RNF150: variants seen among roughly 807,000 people sequenced by gnomAD.
The protein encoded by RNF150 is ring finger protein 150.
A neutral mutation model predicts 39.3 loss-of-function variants in RNF150; 24 were observed. The observed-to-expected ratio is 0.61, with a 90% CI of 0.44 to 0.86. RNF150 has a LOEUF of 0.86. RNF150 is among the 40% of genes least tolerant of loss of function. The pLI, the probability that RNF150 is intolerant of heterozygous loss-of-function variation, is 0.00. For missense variants in RNF150, 502 were observed against 587.8 expected (o/e 0.85, Z 1.51); for synonymous variants, 255 against 227.3 (o/e 1.12, Z -1.10).
At chr4:140,902,816 T>C (rs1730235340) in intron 6 of RNF150, among the ~76,000 whole-genome samples, 1 of 152,206 alleles carries the variant, frequency 6.6e-6, no homozygotes, top group Non-Finnish European at 1.5e-5. Flanking sequence ...AGGCCAACTG[T>C]GCTGCTGTTC....
At chr4:140,927,480 C>A (rs1295264385) in intron 4 of RNF150, among the ~76,000 whole-genome samples, 1 of 152,010 alleles carries the variant, frequency 6.6e-6, no homozygotes, top group Non-Finnish European at 1.5e-5. Flanking sequence ...GTGTGGCACT[C>A]CCCACCCCGC....
intron 1 of RNF150, among the ~76,000 whole-genome samples, chr4:141,051,207 G>A (rs1260672841): frequency 6.6e-6 from 1 of 152,088 alleles, no homozygotes; most frequent in Non-Finnish European, 1.5e-5. Context: ...ACTGCACACA[G>A]CATGGCCCAT....
In RNF150 at chr4:140,866,516, A is replaced by C. The variant is rs1047205161; in HGVS notation, c.*1745T>G. The C allele has an allele frequency of 2.6e-5, 4 of 152,228 alleles. No individual in the cohort carries two copies. The highest frequency in any genetic ancestry group is 9.6e-5 in the African/African-American group (4 of 41,456). The allele number at this position is 152,228 out of a possible 1,614,324, so 9.4% of individuals were successfully genotyped here. ...TGCAACCTTTCTGAGGGTAATAATC[A>C]TCTGCCTTGCCTTACTGTCTACTTA... On this transcript the variant is annotated 3_prime_UTR_variant, in exon 7 of 7. Transcript: ENST00000515673.
chr4:141,046,907 T>C (rs1191738307), intron 1 of RNF150, among the ~76,000 whole-genome samples: 2 of 152,080 alleles, frequency 1.3e-5, no homozygotes, highest in Admixed American at 6.6e-5. Flanking sequence ...TTGTCTTATT[T>C]TTTCAGGCTT....
At chr4:141,191,253 C>T (rs552979522) in intron 1 of RNF150, among the ~76,000 whole-genome samples, 4 of 151,782 alleles carry the variant, frequency 2.6e-5, no homozygotes, top group African/African-American at 9.7e-5. Flanking sequence ...AGGTCATGGT[C>T]CTGATTCTCT....
intron 5 of RNF150, among the ~76,000 whole-genome samples, chr4:140,924,582 C>G (rs139005589): frequency 6.6e-6 from 1 of 152,188 alleles, no homozygotes; most frequent in African/African-American, 2.4e-5. Context: ...CATAGACACA[C>G]ATACACACAT....
Position 141,071,347 on chromosome 4 carries a change from C to T in RNF150, c.484+60978G>A, listed in dbSNP as rs150649370. On this transcript the variant is annotated intron_variant, in intron 1 of 6. Coordinates refer to ENST00000515673, the MANE Select transcript of RNF150 (RefSeq NM_020724.2). Reference sequence around the variant, plus strand: ...TGTATACATATGTAACTAACCTGCACAATGTGCACATGTACCCTAAAACTT... The same window carrying T: ...TGTATACATATGTAACTAACCTGCATAATGTGCACATGTACCCTAAAACTT... Among the ~76,000 whole-genome samples the T allele has an allele frequency of 2.0e-3, 297 of 151,054 alleles. 2 individuals are homozygous for T. Among genetic ancestry groups the T allele is most frequent in the Middle Eastern group, 6.8e-3 (2 of 294 alleles).
At chr4:140,870,542 C>CG (rs1201781770) in intron 6 of RNF150, among the ~76,000 whole-genome samples, 7 of 151,918 alleles carry the variant, frequency 4.6e-5, no homozygotes, top group Non-Finnish European at 4.4e-5. Flanking sequence ...CCCTGACCTT[C>CG]GGGAAATTCT....
Position 140,999,972 on chromosome 4 carries a change from GAAGA to G in RNF150, c.485-32103_485-32100del, listed in dbSNP as rs1333757603. ...AGAAGAAGAAGAAGAAGAAGAAGAAGAAGAAAAGAAGAAAAGAAGAAAAGAAGAA... is the reference window on the plus strand; with the variant it reads ...AGAAGAAGAAGAAGAAGAAGAAGAAGAAAGAAGAAAAGAAGAAAAGAAGAA... On this transcript the variant is annotated intron_variant, in intron 1 of 6. Transcript: ENST00000515673. Among the ~76,000 whole-genome samples, 8 of 30,058 alleles carry G rather than the reference GAAGA, an allele frequency of 2.7e-4. No individual in the cohort carries two copies. The East Asian group carries it at 6.7e-3, about 25-fold the overall frequency. The allele number at this position is 30,058 out of a possible 152,430, so 19.7% of individuals were successfully genotyped here.
intron 5 of RNF150, among the ~76,000 whole-genome samples, chr4:140,923,578 C>T (rs1207545145): frequency 6.6e-6 from 1 of 152,138 alleles, no homozygotes; most frequent in Non-Finnish European, 1.5e-5. Flanking sequence ...CCTCAGGGAT[C>T]TAGAACTAGA....
chr4:141,088,339 G>A (rs1026373576), intron 1 of RNF150, among the ~76,000 whole-genome samples: 12 of 152,140 alleles, frequency 7.9e-5, no homozygotes, highest in African/African-American at 2.9e-4. Flanking sequence ...CAGATAAAAC[G>A]ATTAGGTTAT....
chr4:141,190,152 T>C (rs1189820647), intron 1 of RNF150, among the ~76,000 whole-genome samples: 1 of 152,188 alleles, frequency 6.6e-6, no homozygotes, highest in Non-Finnish European at 1.5e-5. Flanking sequence ...CTCCAGGGGC[T>C]GTACCCACTT....
At chr4:140,870,456 A>ATGTG (rs36234235) in intron 6 of RNF150, among the ~76,000 whole-genome samples, 39 of 147,812 alleles carry the variant, frequency 2.6e-4, no homozygotes, top group South Asian at 6.5e-4. Context: ...TTGTGCGTGT[A>ATGTG]TGTGTGTGTG....
chr4:140,911,294 G>C lies in RNF150; in HGVS notation c.1048C>G (p.Pro350Ala), dbSNP rs1226331726. 6.2e-7 allele frequency: 1 copy of C among 1,614,136 alleles called. No homozygotes were observed. Among genetic ancestry groups the C allele is most frequent in the Non-Finnish European group, 8.5e-7 (1 of 1,180,012 alleles). Residue 350 changes from proline to alanine, a missense_variant, in exon 6 of 7, where the codon CCC becomes GCC. Transcript: ENST00000515673. Reference sequence around the variant, plus strand: ...CTGGCACCTGTGATCTGGTTGGTGGGTGGACCTCCCAGAGAGCCCTCGAAG... The same window carrying C: ...CTGGCACCTGTGATCTGGTTGGTGGCTGGACCTCCCAGAGAGCCCTCGAAG... The part of the protein sequence containing the change: ...TDFEGSLGGP[P>A]TNQITGASDT...
At chr4:140,903,770 C>T (rs1385181656) in intron 6 of RNF150, among the ~76,000 whole-genome samples, 1 of 152,212 alleles carries the variant, frequency 6.6e-6, no homozygotes, top group Non-Finnish European at 1.5e-5. Context: ...AATCTGTTGG[C>T]TGAGTTACTT....
intron 1 of RNF150, among the ~76,000 whole-genome samples, chr4:141,150,664 A>G (rs1209741601): frequency 6.6e-6 from 1 of 152,126 alleles, no homozygotes. Context: ...AATATGCCTT[A>G]CTTCCTTTTC....
In RNF150 at chr4:141,133,101, G is replaced by T. The variant is rs997019108; in HGVS notation, c.-293C>A. 5.6e-6 allele frequency: 2 copies of T among 354,608 alleles called. No homozygotes were observed. Among genetic ancestry groups the T allele is most frequent in the African/African-American group, 4.5e-5 (2 of 44,754 alleles). The allele number at this position is 354,608 out of a possible 1,614,324, so 22.0% of individuals were successfully genotyped here. On this transcript the variant is annotated 5_prime_UTR_variant, in exon 1 of 7. Coordinates refer to ENST00000515673, the MANE Select transcript of RNF150 (RefSeq NM_020724.2). ...GGGCTTGCGGAGGAGTCCTGCTGCCGAGCGTCCTGCTCCTTCGCCCGGCTT... is the reference window on the plus strand; with the variant it reads ...GGGCTTGCGGAGGAGTCCTGCTGCCTAGCGTCCTGCTCCTTCGCCCGGCTT...
intron 2 of RNF150, among the ~76,000 whole-genome samples, chr4:140,956,417 C>T (rs533963974): frequency 6.6e-6 from 1 of 152,110 alleles, no homozygotes; most frequent in Non-Finnish European, 1.5e-5. Context: ...TATTCAGGAT[C>T]AGGAGTCTGT....
At chr4:140,971,543 G>C (rs1733466091) in intron 1 of RNF150, among the ~76,000 whole-genome samples, 1 of 152,088 alleles carries the variant, frequency 6.6e-6, no homozygotes, top group Non-Finnish European at 1.5e-5. Flanking sequence ...TGAGTGGTGA[G>C]AAGTTGCTAT....
Sources: gnomAD v4.1 joint callset for allele counts (sites outside exome capture counted in the v4.1 genomes callset) on GRCh38, gnomAD v4.1.1 for gene constraint, MANE v1.5 for transcripts, NCBI Gene and HGNC (gene_info 2026-07-23, HGNC 2026-07-21) for gene names.